The following MYO7A variants were observed in gnomAD, a reference collection of about 807,000 sequenced individuals.
The protein encoded by MYO7A is myosin VIIA.
In MYO7A, 210 loss-of-function variants were observed where a neutral mutation model predicts 263.8. The ratio of observed to expected loss-of-function variants is 0.80; its 90% CI spans 0.71 to 0.89. MYO7A has a LOEUF of 0.89. Among genes scored for constraint, MYO7A ranks in the 40% least tolerant of loss-of-function variants. The pLI is 0.00. For synonymous variants in MYO7A, 1,239 were observed against 1,197.3 expected (o/e 1.03, Z -0.72); for missense variants, 2,820 against 2,968.3 (o/e 0.95, Z 1.16).
chr11:77,214,104 C>G, intron 48 of MYO7A, 125 bp downstream of exon 48: 1 of 1,355,754 alleles, frequency 7.4e-7, no homozygotes, highest in South Asian at 1.3e-5. Context: ...AAGGGTCATG[C>G]TGGGGCCAAG....
chr11:77,161,676 A>G (rs1437216725), intron 12 of MYO7A, among the ~76,000 whole-genome samples: 5 of 152,154 alleles, frequency 3.3e-5, no homozygotes, highest in Admixed American at 6.5e-5. Context: ...TGGCTCGGCC[A>G]TGTCTGCAGC....
chr11:77,162,537 G>T (rs1555069787), intron 13 of MYO7A, among the ~76,000 whole-genome samples: 1 of 152,210 alleles, frequency 6.6e-6, no homozygotes, highest in Non-Finnish European at 1.5e-5. Flanking sequence ...GAAGATCCAT[G>T]CATGCAGTTG....
At chr11:77,186,079 C>T (rs1373251743) in intron 27 of MYO7A, among the ~76,000 whole-genome samples, 5 of 151,510 alleles carry the variant, frequency 3.3e-5, no homozygotes, top group African/African-American at 9.7e-5. Context: ...CCCACCACCA[C>T]ATCCAGCTAA....
At chr11:77,129,263 G>A (rs1377951065) in intron 1 of MYO7A, among the ~76,000 whole-genome samples, 1 of 152,206 alleles carries the variant, frequency 6.6e-6, no homozygotes, top group African/African-American at 2.4e-5. Context: ...TGGCCCTGTT[G>A]AATCCACATC....
chr11:77,146,945 C>T (rs202160313), intron 3 of MYO7A, among the ~76,000 whole-genome samples: 58 of 152,226 alleles, frequency 3.8e-4, no homozygotes, highest in East Asian at 3.7e-3. Flanking sequence ...CCCAAATGCT[C>T]ACCCATCTGC....
intron 2 of MYO7A, among the ~76,000 whole-genome samples, chr11:77,131,626 C>T (rs1950769879): frequency 1.3e-5 from 2 of 152,200 alleles, no homozygotes; most frequent in South Asian, 4.1e-4. Flanking sequence ...CCCCCATAGC[C>T]CTCCAGGGGC....
rs985510524 is a variant in MYO7A at position 77,204,102 on chromosome 11, C to T, written c.5353C>T (p.Pro1785Ser). 10 of 1,601,414 alleles carry T rather than the reference C, an allele frequency of 6.2e-6. No homozygotes were observed. In the African/African-American group the frequency reaches 9.4e-5, roughly 15 times the overall value. The change falls in exon 39 of 49, where the codon CCG becomes TCG. Residue 1785 changes from proline to serine, a missense_variant. Physicochemically the swap from Pro to Ser is moderately conservative, Grantham distance 74. Transcript: ENST00000409709. ...TGTGCTCAAGTACATGGGCGACTAC[C>T]CGTCCAAGAGGACACGCTCCGTCAA... ...IAVLKYMGDYPSKRTRSVNEL... is the reference protein window; with the variant it reads ...IAVLKYMGDYSSKRTRSVNEL...
At chr11:77,152,432 G>A (rs531416016) in intron 4 of MYO7A, among the ~76,000 whole-genome samples, 2 of 152,342 alleles carry the variant, frequency 1.3e-5, no homozygotes, top group East Asian at 1.9e-4. Context: ...TGCCACAGGG[G>A]ACAACAGCCT....
At chr11:77,142,639 T>C in intron 2 of MYO7A, 70 bp from the exon 3 acceptor site, 2 of 1,328,284 alleles carry the variant, frequency 1.5e-6, no homozygotes, top group African/African-American at 1.5e-5. Context: ...CAGAGGGATA[T>C]AGGGCTGCCT....
chr11:77,193,955 G>T (rs549725706), intron 31 of MYO7A: 8 of 462,606 alleles, frequency 1.7e-5, no homozygotes, highest in African/African-American at 2.0e-5. Flanking sequence ...CCTGCCAGCA[G>T]ACCCTAGGTG....
intron 30 of MYO7A, among the ~76,000 whole-genome samples, chr11:77,191,836 C>T (rs901068502): frequency 5.3e-5 from 8 of 152,258 alleles, no homozygotes; most frequent in African/African-American, 1.9e-4. Flanking sequence ...GGAATTCCCA[C>T]GTCACCGTGC....
At chr11:77,132,723 G>A (rs1333320139) in intron 2 of MYO7A, among the ~76,000 whole-genome samples, 6 of 152,160 alleles carry the variant, frequency 3.9e-5, no homozygotes, top group African/African-American at 1.2e-4. Flanking sequence ...TCCTGACCTC[G>A]TGATCCGCCC....
At chr11:77,175,522 G>A in intron 18 of MYO7A, 58 bp downstream of exon 18, 2 of 1,500,812 alleles carry the variant, frequency 1.3e-6, no homozygotes, top group South Asian at 1.1e-5. Flanking sequence ...CCCATGATGT[G>A]GGCTGGGGTG....
At chr11:77,200,234 G>A (rs754158474) in intron 35 of MYO7A, among the ~76,000 whole-genome samples, 1 of 151,780 alleles carries the variant, frequency 6.6e-6, no homozygotes, top group African/African-American at 2.4e-5. Flanking sequence ...TTGTGCCACT[G>A]CAGTCCAGCC....
At chr11:77,132,424 A>G (rs560944111) in intron 2 of MYO7A, among the ~76,000 whole-genome samples, 3 of 152,124 alleles carry the variant, frequency 2.0e-5, no homozygotes, top group Non-Finnish European at 4.4e-5. Context: ...GGAGTCCCAA[A>G]TGGCATTTTA....
intron 3 of MYO7A, 89 bp from the exon 4 acceptor site, chr11:77,147,709 A>ATG: frequency 6.5e-7 from 1 of 1,541,216 alleles, no homozygotes; most frequent in South Asian, 1.2e-5. Context: ...GTTGGCACTC[A>ATG]CCCCGCGCTC....
rs1190342971 is a variant in MYO7A, at chr11:77,181,795, T to G, written c.2905-156T>G. Reference sequence around the variant, plus strand: ...TTTTTTTTTGTTTTTTTTTTTTTTTTTTTTTTTGAGATGGGGTCGTACCCT... The same window carrying G: ...TTTTTTTTTGTTTTTTTTTTTTTTTGTTTTTTTGAGATGGGGTCGTACCCT... On this transcript the variant is annotated intron_variant, in intron 23 of 48. Coordinates refer to ENST00000409709, the MANE Select transcript of MYO7A (RefSeq NM_000260.4). Among the ~76,000 whole-genome samples, 10 of 139,304 alleles carry G rather than the reference T, an allele frequency of 7.2e-5. No individual in the cohort carries two copies. The East Asian group carries it at 8.3e-4, about 12-fold the overall frequency. The allele number at this position is 139,304 out of a possible 152,430, so 91.4% of individuals were successfully genotyped here. A position where few individuals can be genotyped will look rare whatever the true frequency, so the allele number is the denominator to read the frequency against.
chr11:77,136,577 C>T (rs1366382236), intron 2 of MYO7A, among the ~76,000 whole-genome samples: 1 of 152,176 alleles, frequency 6.6e-6, no homozygotes, highest in African/African-American at 2.4e-5. Context: ...ATCTTAAAAC[C>T]CAGCTGTCAC....
chr11:77,172,975 T>A, intron 16 of MYO7A, 90 bp downstream of exon 16: 1 of 1,452,086 alleles, frequency 6.9e-7, no homozygotes, highest in South Asian at 1.4e-5. Flanking sequence ...GAGTGAAGGA[T>A]GTGAGACTTT....
Sources: gnomAD v4.1 joint callset for allele counts (sites outside exome capture counted in the v4.1 genomes callset) on GRCh38, gnomAD v4.1.1 for gene constraint, MANE v1.5 for transcripts, NCBI Gene and HGNC (gene_info 2026-07-23, HGNC 2026-07-21) for gene names.